Variants in HMOX1 observed in about 807,000 individuals in gnomAD.
HMOX1 encodes heme oxygenase 1.
HMOX1 carries 22 observed loss-of-function variants against 27.8 expected under a neutral mutation model. That is an observed-to-expected ratio of 0.79 (90% CI 0.57 to 1.13). HMOX1 has a LOEUF of 1.13. Among genes scored for constraint, HMOX1 ranks in the 50% most tolerant of loss-of-function variants. The pLI is 0.00. For synonymous variants in HMOX1, 153 were observed against 151.6 expected (o/e 1.01, Z -0.07); for missense variants, 379 against 377.7 (o/e 1.00, Z -0.03).
intron 2 of HMOX1, among the ~76,000 whole-genome samples, chr22:35,386,048 C>T (rs959911490): frequency 2.5e-4 from 38 of 151,732 alleles, no homozygotes; most frequent in Admixed American, 1.2e-3. Context: ...CTCCACCTCC[C>T]GGGTTCACGC....
At chr22:35,389,251 TCTCTC>T (rs1931601376) in intron 3 of HMOX1, among the ~76,000 whole-genome samples, 4 of 64,054 alleles carry the variant, frequency 6.2e-5, no homozygotes, top group African/African-American at 2.8e-4. Context: ...TTCTTTCTTT[TCTCTC>T]TCTCTCTCTC....
At chr22:35,387,933 T>C (rs1049114722) in intron 3 of HMOX1, among the ~76,000 whole-genome samples, 10 of 152,032 alleles carry the variant, frequency 6.6e-5, no homozygotes, top group African/African-American at 2.4e-4. Context: ...CAGTCCGTCT[T>C]GGAGGAAGAA....
intron 4 of HMOX1, among the ~76,000 whole-genome samples, chr22:35,392,708 G>C (rs1170396767): frequency 6.7e-6 from 1 of 148,216 alleles, no homozygotes; most frequent in East Asian, 2.0e-4. Context: ...GGCCTATCAT[G>C]TTTTAAATCT....
intron 2 of HMOX1, among the ~76,000 whole-genome samples, chr22:35,384,656 A>C (rs900966715): frequency 6.6e-6 from 1 of 151,666 alleles, no homozygotes; most frequent in African/African-American, 2.4e-5. Flanking sequence ...ACTTACATTA[A>C]GCTGGTGGAC....
In HMOX1 at chr22:35,388,603, C is replaced by T. The variant is rs192881006; in HGVS notation, c.637-1261C>T. ...GAGATCGAGACCATCCTGACTAACACGGTGAAACCCCATCTCTACTAAAAA... is the reference window on the plus strand; with the variant it reads ...GAGATCGAGACCATCCTGACTAACATGGTGAAACCCCATCTCTACTAAAAA... On this transcript the variant is annotated intron_variant, in intron 3 of 4. Transcript: ENST00000216117. Among the ~76,000 whole-genome samples the T allele has an allele frequency of 1.7e-4, 26 of 151,898 alleles. No individual in the cohort carries two copies. In the South Asian group the frequency reaches 1.9e-3, roughly 11 times the overall value.
intron 3 of HMOX1, 142 bp from the exon 4 acceptor site, chr22:35,389,722 C>T (rs573593408): frequency 2.0e-5 from 14 of 692,290 alleles, no homozygotes; most frequent in Middle Eastern, 3.8e-4. Flanking sequence ...ATTACAGGGG[C>T]GCACCACCGT....
chr22:35,389,387 C>CTTCCTTT (rs1931635503), intron 3 of HMOX1, among the ~76,000 whole-genome samples: 2 of 51,232 alleles, frequency 3.9e-5, no homozygotes, highest in Non-Finnish European at 7.3e-5. Context: ...TTCCTTCCTT[C>CTTCCTTT]CTTCCTTCCT....
At chr22:35,382,965 T>C in intron 1 of HMOX1, 141 bp from the exon 2 acceptor site, 1 of 1,204,328 alleles carries the variant, frequency 8.3e-7, no homozygotes, top group Admixed American at 1.8e-5. Context: ...GCCACAAGGC[T>C]GCATCTTAAA....
chr22:35,386,595 G>A, intron 2 of HMOX1, 90 bp from the exon 3 acceptor site: 2 of 1,538,290 alleles, frequency 1.3e-6, no homozygotes, highest in South Asian at 2.3e-5. Flanking sequence ...GAAGTGAGGA[G>A]GGCCTTTCCA....
intron 3 of HMOX1, among the ~76,000 whole-genome samples, chr22:35,387,650 C>G (rs1185985681): frequency 6.6e-6 from 1 of 152,246 alleles, no homozygotes; most frequent in Non-Finnish European, 1.5e-5. Context: ...TTACCTCTTT[C>G]TACAAGTGTC....
Position 35,383,875 on chromosome 22 carries a change from G to A in HMOX1, c.144+649G>A, listed in dbSNP as rs144924568. ...TTTTGCTGTTTCCCAGCACTGTTGT[G>A]AAATTCATGCAAATAGAAGGAAAGC... On this transcript the variant is annotated intron_variant, in intron 2 of 4. Coordinates refer to ENST00000216117, the MANE Select transcript of HMOX1 (RefSeq NM_002133.3). 2.7e-3 allele frequency among the ~76,000 whole-genome samples: 405 copies of A among 151,766 alleles called. 1 individual carries two copies. The highest frequency in any genetic ancestry group is 9.3e-3 in the African/African-American group (383 of 41,314).
chr22:35,381,237 T>A, intron 1 of HMOX1, 41 bp downstream of exon 1: 2 of 1,542,328 alleles, frequency 1.3e-6, no homozygotes, highest in Non-Finnish European at 1.7e-6. Flanking sequence ...CGCCTTTCTC[T>A]CCCAACCCTG....
chr22:35,387,024 G>A lies in HMOX1; in HGVS notation c.484G>A (p.Glu162Lys), dbSNP rs760594009. ...AGCCCTGGACCTGCCCAGCTCTGGCGAGGGCCTGGCCTTCTTCACCTTCCC... is the reference window on the plus strand; with the variant it reads ...AGCCCTGGACCTGCCCAGCTCTGGCAAGGGCCTGGCCTTCTTCACCTTCCC... ...QKALDLPSSGEGLAFFTFPNI... is the reference protein window; with the variant it reads ...QKALDLPSSGKGLAFFTFPNI... The change falls in exon 3 of 5, where the codon GAG (glutamate) becomes AAG (lysine). Residue 162 changes from glutamate (E) to lysine (K), a missense_variant. Glu to Lys is a moderately conservative substitution (Grantham distance 56). Coordinates refer to ENST00000216117, the MANE Select transcript of HMOX1 (RefSeq NM_002133.3). 35 of 1,613,656 alleles carry A rather than the reference G, an allele frequency of 2.2e-5. No individual in the cohort carries two copies. The Admixed American group carries it at 4.3e-4, about 20-fold the overall frequency.
Position 35,393,522 on chromosome 22 carries a change from A to G in HMOX1, c.791A>G (p.Gln264Arg). The change falls in exon 5 of 5, where the codon CAG (glutamine) becomes CGG (arginine). Residue 264 changes from glutamine to arginine, a missense_variant. Coordinates refer to ENST00000216117, the MANE Select transcript of HMOX1 (RefSeq NM_002133.3). ...AAGCCCCCACTCAACACCCGCTCCC[A>G]GGCTCCGCTTCTCCGATGGGTCCTT... ...RGKPPLNTRS[Q>R]APLLRWVLTL... 2 of 1,614,154 alleles carry G rather than the reference A, an allele frequency of 1.2e-6. No individual in the cohort carries two copies. Among genetic ancestry groups the G allele is most frequent in the Non-Finnish European group, 1.7e-6 (2 of 1,180,028 alleles).
At chr22:35,388,639 C>CA (rs1030828419) in intron 3 of HMOX1, among the ~76,000 whole-genome samples, 1 of 150,802 alleles carries the variant, frequency 6.6e-6, no homozygotes, top group Non-Finnish European at 1.5e-5. Flanking sequence ...AAAGAAAATA[C>CA]AAAAAAAATT....
At chr22:35,389,362 TCC>T (rs1931629162) in intron 3 of HMOX1, among the ~76,000 whole-genome samples, 1 of 56,594 alleles carries the variant, frequency 1.8e-5, no homozygotes, top group Non-Finnish European at 3.1e-5. Context: ...CTTCCTTCCT[TCC>T]TTCCTTCCTT....
In HMOX1 at chr22:35,381,207, G is replaced by A. The variant is rs1180592659; in HGVS notation, c.23+11G>A. On this transcript the variant is annotated intron_variant, in intron 1 of 4. Coordinates refer to ENST00000216117, the MANE Select transcript of HMOX1 (RefSeq NM_002133.3). Reference sequence around the variant, plus strand: ...TCCGCAACCCGACAGGCAAGCGCGGGGCGCGGGACGCGGGACGGGCGCCTT... The same window carrying A: ...TCCGCAACCCGACAGGCAAGCGCGGAGCGCGGGACGCGGGACGGGCGCCTT... 3.2e-6 allele frequency: 5 copies of A among 1,546,790 alleles called. No homozygotes were observed. The highest frequency in any genetic ancestry group is 4.3e-6 in the Non-Finnish European group (5 of 1,152,174).
In HMOX1 at chr22:35,389,341, CTCCTTCCTTCCTTCCTTCCTTCCT is replaced by C. The variant is rs1232057826; in HGVS notation, c.637-489_637-466del. Among the ~76,000 whole-genome samples, 4 of 62,570 alleles carry C rather than the reference CTCCTTCCTTCCTTCCTTCCTTCCT, an allele frequency of 6.4e-5. No individual in the cohort carries two copies. In the East Asian group the frequency reaches 1.8e-3, roughly 28 times the overall value. The allele number at this position is 62,570 out of a possible 152,430, so 41.0% of individuals were successfully genotyped here. On this transcript the variant is annotated intron_variant, in intron 3 of 4. Transcript: ENST00000216117. ...TTTCTTCTTTCTTTCTTTCTTTCTT[CTCCTTCCTTCCTTCCTTCCTTCCT>C]TCCTTCCTTCCTTCCTTCCTTCCTT...
At chr22:35,391,124 G>T (rs1255641722) in intron 4 of HMOX1, among the ~76,000 whole-genome samples, 4 of 152,138 alleles carry the variant, frequency 2.6e-5, no homozygotes, top group Non-Finnish European at 4.4e-5. Context: ...TCTGCTAGGG[G>T]TTTGTAACCC....
Sources: gnomAD v4.1 joint callset for allele counts (sites outside exome capture counted in the v4.1 genomes callset) on GRCh38, gnomAD v4.1.1 for gene constraint, MANE v1.5 for transcripts, NCBI Gene and HGNC (gene_info 2026-07-23, HGNC 2026-07-21) for gene names.